The following DCDC1 variants were observed in gnomAD, a reference collection of about 807,000 sequenced individuals.
DCDC1 encodes doublecortin domain-containing protein 1.
A neutral mutation model predicts 178.3 loss-of-function variants in DCDC1; 200 were observed. The observed-to-expected ratio is 1.12, with a 90% confidence interval of 1.00 to 1.26. The LOEUF is 1.26. DCDC1 is among the 50% of genes most tolerant of loss of function. DCDC1 has a pLI of 0.00. For missense variants in DCDC1, 1,983 were observed against 1,749.2 expected (o/e 1.13, Z -2.38); for synonymous variants, 690 against 604.8 (o/e 1.14, Z -2.07).
At chr11:31,094,307 A>C in intron 15 of DCDC1, 123 bp from the exon 16 acceptor site, 1 of 628,486 alleles carries the variant, frequency 1.6e-6, no homozygotes, top group East Asian at 2.7e-5. Flanking sequence ...TCTTTTCAAA[A>C]AGTAGCATTC....
At chr11:31,086,635 CAAAT>C (rs748450668) in intron 17 of DCDC1, among the ~76,000 whole-genome samples, 3 of 152,128 alleles carry the variant, frequency 2.0e-5, no homozygotes, top group Non-Finnish European at 4.4e-5. Context: ...TGGAAGGTCA[CAAAT>C]AGTTTCTCCT....
chr11:31,089,852 A>T (rs937732966), intron 17 of DCDC1, among the ~76,000 whole-genome samples: 1 of 152,170 alleles, frequency 6.6e-6, no homozygotes, highest in African/African-American at 2.4e-5. Flanking sequence ...TACAGAATAC[A>T]GTTAAAACAG....
intron 32 of DCDC1, among the ~76,000 whole-genome samples, chr11:30,902,338 C>A (rs1460098606): frequency 6.6e-6 from 1 of 152,130 alleles, no homozygotes; most frequent in African/African-American, 2.4e-5. Flanking sequence ...GTAACCCTCA[C>A]CAGACAACCA....
chr11:31,237,425 C>A (rs1269694322), intron 9 of DCDC1, among the ~76,000 whole-genome samples: 1 of 151,790 alleles, frequency 6.6e-6, no homozygotes, highest in Non-Finnish European at 1.5e-5. Flanking sequence ...GATTGCTAAA[C>A]ACAATATGCC....
chr11:31,000,571 T>A (rs1951515023), intron 20 of DCDC1, among the ~76,000 whole-genome samples: 1 of 152,152 alleles, frequency 6.6e-6, no homozygotes, highest in African/African-American at 2.4e-5. Context: ...TGCAAGTCTC[T>A]AAGTGAGTCT....
intron 3 of DCDC1, among the ~76,000 whole-genome samples, chr11:31,313,304 C>T (rs1948875093): frequency 6.6e-6 from 1 of 152,156 alleles, no homozygotes; most frequent in Non-Finnish European, 1.5e-5. Context: ...TAAAGTTTAA[C>T]ATGATTACTT....
rs367884496 is a variant in DCDC1 at position 31,038,568 on chromosome 11, A to C, written c.2591+25901T>G. ...TGATTTTCTGGGTCAACTGACAAATAAAATACATTAGAGGTCAATTCTAGA... is the reference window on the plus strand; with the variant it reads ...TGATTTTCTGGGTCAACTGACAAATCAAATACATTAGAGGTCAATTCTAGA... On this transcript the variant is annotated intron_variant, in intron 20 of 38. Coordinates refer to ENST00000684477, the MANE Select transcript of DCDC1 (RefSeq NM_001387274.1). Among the ~76,000 whole-genome samples, 30 of 152,324 alleles carry C rather than the reference A, an allele frequency of 2.0e-4. No individual in the cohort carries two copies. In the South Asian group the frequency reaches 6.2e-3, roughly 32 times the overall value.
rs914606443 is a variant in DCDC1 at position 30,905,170 on chromosome 11, T to A, written c.4105-6A>T. The A allele has an allele frequency of 5.1e-6, 8 of 1,563,974 alleles. No homozygotes were observed. Among genetic ancestry groups the A allele is most frequent in the Non-Finnish European group, 6.9e-6 (8 of 1,152,808 alleles). On this transcript the variant is annotated splice_region_variant and splice_polypyrimidine_tract_variant and intron_variant, in intron 30 of 38. Coordinates refer to ENST00000684477, the MANE Select transcript of DCDC1 (RefSeq NM_001387274.1). The stretch of plus-strand genomic sequence containing the variant: ...TTGTCACACGACAAATCAACCTAAT[T>A]TTTTAAAAAATAAATTGTACATTTA...
intron 9 of DCDC1, among the ~76,000 whole-genome samples, chr11:31,174,465 C>T (rs920848798): frequency 6.6e-6 from 1 of 152,164 alleles, no homozygotes; most frequent in Admixed American, 6.5e-5. Flanking sequence ...GGCCGGCAGG[C>T]ACCCCTCAGC....
intron 8 of DCDC1, among the ~76,000 whole-genome samples, chr11:31,249,839 A>G (rs767462357): frequency 3.3e-5 from 5 of 152,200 alleles, no homozygotes; most frequent in Non-Finnish European, 5.9e-5. Flanking sequence ...AACTTTATCC[A>G]TAAGCCTAAT....
At chr11:31,033,605 T>C (rs1953817154) in intron 20 of DCDC1, among the ~76,000 whole-genome samples, 1 of 152,180 alleles carries the variant, frequency 6.6e-6, no homozygotes, top group African/African-American at 2.4e-5. Context: ...TAGCTATTAA[T>C]TATTTGAAGG....
rs756444965 is a variant in DCDC1, at chr11:31,064,530, C to A, written c.2530G>T (p.Glu844Ter). 1 of 765,942 alleles carries A rather than the reference C, an allele frequency of 1.3e-6. No homozygotes were observed. Among genetic ancestry groups the A allele is most frequent in the East Asian group, 2.4e-5 (1 of 41,226 alleles). The allele number at this position is 765,942 out of a possible 1,614,324, so 47.4% of individuals were successfully genotyped here. A position where few individuals can be genotyped will look rare whatever the true frequency, so the allele number is the denominator to read the frequency against. ...TTCCTCACCAGTGCTACTGTCAGCT[C>A]CCCCGTCTCCTCAAGAGAACCTTCT... ...MPEGSLEETGELTVALVRKLE... is the reference protein window; with the variant it reads ...MPEGSLEETG The change falls in exon 20 of 39, where the codon GAG (glutamate) becomes TAG (stop). Residue 844 changes from glutamate (E) to a stop codon, truncating the protein, a stop_gained. Transcript: ENST00000684477. LOFTEE classifies it high-confidence loss of function.
At chr11:31,197,493 A>C (rs975213824) in intron 9 of DCDC1, among the ~76,000 whole-genome samples, 1 of 152,126 alleles carries the variant, frequency 6.6e-6, no homozygotes. Context: ...CACATAAGGT[A>C]GGTATTTTTA....
intron 25 of DCDC1, 27 bp from the exon 26 acceptor site, chr11:30,917,055 G>C: frequency 6.4e-7 from 1 of 1,565,070 alleles, no homozygotes. Context: ...GCAAACATAA[G>C]TCTAAGAAAT....
At chr11:31,049,363 G>A (rs1206007466) in intron 20 of DCDC1, among the ~76,000 whole-genome samples, 1 of 152,134 alleles carries the variant, frequency 6.6e-6, no homozygotes, top group Non-Finnish European at 1.5e-5. Context: ...AATATCATGA[G>A]CTTTTTGTAT....
rs750535223 is a variant in DCDC1, at chr11:30,911,419, T to C, written c.3655A>G (p.Thr1219Ala). The C allele has an allele frequency of 3.1e-6, 5 of 1,593,300 alleles. No homozygotes were observed. The highest frequency in any genetic ancestry group is 4.3e-6 in the Non-Finnish European group (5 of 1,169,200). ...TCAGGGTTACTCACAAGGTGAAAGG[T>C]CCTTGGGAAAACAGGATTAGCCACA... ...QRWIHQEDSR[T>A]FHLVSNPDLV... Residue 1219 changes from threonine (T) to alanine (A), a missense_variant and splice_region_variant, in exon 28 of 39, where the codon ACC becomes GCC. Thr to Ala is a moderately conservative substitution (Grantham distance 58). Transcript: ENST00000684477.
chr11:31,360,864 T>C (rs1156377678), intron 1 of DCDC1, among the ~76,000 whole-genome samples: 3 of 152,186 alleles, frequency 2.0e-5, no homozygotes, highest in Non-Finnish European at 4.4e-5. Context: ...TTTATGTTAG[T>C]TGGACCTACT....
At chr11:31,325,009 G>C (rs1254182654) in intron 3 of DCDC1, among the ~76,000 whole-genome samples, 4 of 152,102 alleles carry the variant, frequency 2.6e-5, no homozygotes, top group African/African-American at 4.8e-5. Context: ...AATGTACTGA[G>C]CTGCCAGCAG....
At chr11:31,159,875 T>C (rs1353798508) in intron 9 of DCDC1, among the ~76,000 whole-genome samples, 1 of 152,222 alleles carries the variant, frequency 6.6e-6, no homozygotes, top group Non-Finnish European at 1.5e-5. Context: ...AAGTGACACA[T>C]ATTTAGTTCA....
Sources: allele counts gnomAD v4.1 joint callset (sites outside exome capture counted in the v4.1 genomes callset), GRCh38; gene constraint gnomAD v4.1.1; transcripts MANE v1.5; gene names NCBI Gene and HGNC (gene_info 2026-07-23, HGNC 2026-07-21).